The following OR51B5 variants were observed in gnomAD, a reference collection of about 807,000 sequenced individuals.
OR51B5 encodes the protein olfactory receptor 51B5.
For synonymous variants in OR51B5, 186 were observed against 144.8 expected (o/e 1.28, Z -2.04); for missense variants, 456 against 374.6 (o/e 1.22, Z -1.79).
intron 1 of OR51B5, among the ~76,000 whole-genome samples, chr11:5,401,635 CAAT>C (rs2133741056): frequency 6.6e-6 from 1 of 152,120 alleles, no homozygotes; most frequent in South Asian, 2.1e-4. Flanking sequence ...GTATATTTAC[CAAT>C]AAAATATTTT....
chr11:5,407,985 T>C (rs972595988), intron 1 of OR51B5, among the ~76,000 whole-genome samples: 75 of 152,112 alleles, frequency 4.9e-4, no homozygotes, highest in Admixed American at 9.2e-4. Flanking sequence ...TCACTTTCAG[T>C]CTATATTTCA....
At chr11:5,478,611 GA>G (rs1313974859) in intron 1 of OR51B5, among the ~76,000 whole-genome samples, 6 of 149,978 alleles carry the variant, frequency 4.0e-5, no homozygotes, top group Admixed American at 1.3e-4. Flanking sequence ...GGAAAACTTT[GA>G]AAAAAATTTA....
At chr11:5,496,920 A>G (rs1438752066) in intron 1 of OR51B5, among the ~76,000 whole-genome samples, 1 of 152,158 alleles carries the variant, frequency 6.6e-6, no homozygotes, top group East Asian at 1.9e-4. Context: ...GCACTTCATT[A>G]GAGTCAATGC....
intron 1 of OR51B5, chr11:5,505,336 A>T (rs1846356593): frequency 5.4e-6 from 7 of 1,303,942 alleles, no homozygotes; most frequent in Non-Finnish European, 7.1e-6. Context: ...TCAGAGGCAG[A>T]CCCAGAGAAC....
At chr11:5,442,884 T>A (rs928231480) in intron 1 of OR51B5, among the ~76,000 whole-genome samples, 8 of 152,184 alleles carry the variant, frequency 5.3e-5, no homozygotes, top group African/African-American at 1.9e-4. Context: ...TTGCTACAGT[T>A]AACACTGTCT....
At chr11:5,469,347 C>A in intron 1 of OR51B5, 1 of 153,124 alleles carries the variant, frequency 6.5e-6, no homozygotes, top group Admixed American at 6.5e-5. Flanking sequence ...AGCCAGTGCT[C>A]CAGACCCTTC....
chr11:5,350,407 A>G (rs1484551942), intron 1 of OR51B5, among the ~76,000 whole-genome samples: 3 of 152,204 alleles, frequency 2.0e-5, no homozygotes, highest in South Asian at 2.1e-4. Flanking sequence ...TTTCAATAGT[A>G]TATGAGATGT....
At chr11:5,454,131 T>G in intron 1 of OR51B5, 1 of 1,614,226 alleles carries the variant, frequency 6.2e-7, no homozygotes, top group Non-Finnish European at 8.5e-7. Context: ...GTTTTTTATC[T>G]TCCTCTCCTA....
intron 1 of OR51B5, among the ~76,000 whole-genome samples, chr11:5,398,156 C>G (rs1171540688): frequency 6.6e-6 from 1 of 151,166 alleles, no homozygotes; most frequent in East Asian, 1.9e-4. Context: ...ACATATGTAA[C>G]TAACCTGCAC....
At chr11:5,350,666 A>T (rs775574552) in intron 1 of OR51B5, among the ~76,000 whole-genome samples, 35 of 152,222 alleles carry the variant, frequency 2.3e-4, no homozygotes, top group Non-Finnish European at 2.2e-4. Flanking sequence ...GATATGCAAC[A>T]GTAGTTTGGT....
intron 1 of OR51B5, among the ~76,000 whole-genome samples, chr11:5,399,676 G>A (rs1258160412): frequency 6.6e-6 from 1 of 151,588 alleles, no homozygotes; most frequent in South Asian, 2.1e-4. Context: ...CCTAAACTCA[G>A]GAGAATGATT....
At chr11:5,413,112 A>G (rs1335219119) in intron 1 of OR51B5, among the ~76,000 whole-genome samples, 1 of 152,216 alleles carries the variant, frequency 6.6e-6, no homozygotes, top group African/African-American at 2.4e-5. Flanking sequence ...ATCAGACAGC[A>G]GCATTCGCGG....
intron 1 of OR51B5, among the ~76,000 whole-genome samples, chr11:5,427,300 A>G (rs1157821260): frequency 1.3e-5 from 2 of 152,266 alleles, no homozygotes; most frequent in Admixed American, 1.3e-4. Context: ...ATCTTCACAG[A>G]GAATGAAAGT....
intron 1 of OR51B5, among the ~76,000 whole-genome samples, chr11:5,503,884 T>A (rs1192732640): frequency 6.6e-6 from 1 of 152,196 alleles, no homozygotes. Flanking sequence ...ATTAAGAGTA[T>A]GGGCTCTGGA....
chr11:5,388,940 T>A (rs1003447026), intron 1 of OR51B5, among the ~76,000 whole-genome samples: 3 of 152,144 alleles, frequency 2.0e-5, no homozygotes, highest in African/African-American at 7.2e-5. Context: ...ACATGACATT[T>A]GACTTGAGCC....
At chr11:5,449,722 G>A (rs1446733093) in intron 1 of OR51B5, among the ~76,000 whole-genome samples, 1 of 152,160 alleles carries the variant, frequency 6.6e-6, no homozygotes, top group Non-Finnish European at 1.5e-5. Context: ...AACGGTTCGG[G>A]AATCTAGAAG....
chr11:5,403,595 C>T (rs748408085), intron 1 of OR51B5: 1 of 442,442 alleles, frequency 2.3e-6, no homozygotes, highest in Non-Finnish European at 4.7e-6. Flanking sequence ...TGCTTGCTCT[C>T]TATAATAACA....
chr11:5,408,041 T>C (rs1402204640), intron 1 of OR51B5, among the ~76,000 whole-genome samples: 1 of 152,182 alleles, frequency 6.6e-6, no homozygotes, highest in Non-Finnish European at 1.5e-5. Context: ...ACAGGGCTTA[T>C]GATACCTTTT....
chr11:5,354,092 T>C (rs1010654045), intron 1 of OR51B5, among the ~76,000 whole-genome samples: 7 of 152,212 alleles, frequency 4.6e-5, no homozygotes, highest in Admixed American at 4.6e-4. Flanking sequence ...TAACAAAATA[T>C]AATTTTTCAT....
Sources: allele counts gnomAD v4.1 joint callset (sites outside exome capture counted in the v4.1 genomes callset), GRCh38; gene constraint gnomAD v4.1.1; transcripts MANE v1.5; gene names NCBI Gene and HGNC (gene_info 2026-07-23, HGNC 2026-07-21).